The following SMARCD3 variants were observed in gnomAD, a reference collection of about 807,000 sequenced individuals.
The protein encoded by SMARCD3 is SWI/SNF related BAF chromatin remodeling complex subunit D3.
Under a neutral mutation model 58.0 loss-of-function variants are expected in SMARCD3, and 14 were observed. The ratio of observed to expected loss-of-function variants is 0.24; its 90% CI spans 0.16 to 0.38. SMARCD3 has a LOEUF of 0.38. Among genes scored for constraint, SMARCD3 ranks in the 10% least tolerant of loss-of-function variants. The pLI, the probability that SMARCD3 is intolerant of heterozygous loss-of-function variation, is 1.00. For synonymous variants in SMARCD3, 253 were observed against 253.8 expected, an observed-to-expected ratio of 1.00 and a Z score of 0.03; for missense variants, 408 against 636.9, an observed-to-expected ratio of 0.64 and a Z score of 3.87.
In SMARCD3 at chr7:151,248,623, T is replaced by G; in HGVS notation, c.-61A>C. ...TCTCTTCCTCTTTCTTTCCCTTTTC[T>G]GCCTTTTTTTTTCCTCCAACTCTCC... On this transcript the variant is annotated 5_prime_UTR_variant, in exon 1 of 13. Transcript: ENST00000262188. The surrounding 1 kb of genome is among the most constrained non-coding windows in gnomAD (Gnocchi z 6.1). 6.2e-7 allele frequency: 1 copy of G among 1,603,992 alleles called. No individual in the cohort carries two copies. The highest frequency in any genetic ancestry group is 8.5e-7 in the Non-Finnish European group (1 of 1,173,404).
At chr7:151,267,336 A>G (rs1159385071) in intron 2 of SMARCD3, among the ~76,000 whole-genome samples, 1 of 152,226 alleles carries the variant, frequency 6.6e-6, no homozygotes, top group Non-Finnish European at 1.5e-5. Context: ...GAGTTCTTTA[A>G]AGACTGATTC....
chr7:151,269,274 C>T (rs548782422), intron 2 of SMARCD3, among the ~76,000 whole-genome samples: 5 of 152,280 alleles, frequency 3.3e-5, no homozygotes, highest in South Asian at 2.1e-4. Context: ...TGGAGCTCAG[C>T]TTCTCTTGCA....
intron 2 of SMARCD3, among the ~76,000 whole-genome samples, chr7:151,272,814 C>T (rs189850190): frequency 6.6e-6 from 1 of 152,316 alleles, no homozygotes; most frequent in African/African-American, 2.4e-5. Context: ...TGTCCCTCAG[C>T]CAAGTACCCG....
intron 2 of SMARCD3, among the ~76,000 whole-genome samples, chr7:151,260,113 G>A (rs1368209786): frequency 6.6e-6 from 1 of 152,060 alleles, no homozygotes; most frequent in Admixed American, 6.6e-5. Context: ...GCTATCACAG[G>A]GTGGGGCTAG....
At position 151,245,477 on chromosome 7, in the gene SMARCD3, G is replaced by A. The variant is rs753782573; in HGVS notation, c.273C>T (p.Ala91=). The part of the protein sequence containing the change: ...AQSQGQPVPT[A]PARSRSAKRR... ...CCACTCACCTGCGGCTCCGCGCGGG[G>A]GCGGTGGGCACCGGCTGGCCCTGGC... Residue 91 remains alanine, a synonymous_variant, in exon 2 of 13, where the codon GCC becomes GCT. Transcript: ENST00000262188. This position sits in a 1 kb window ranked among gnomAD's most constrained non-coding sequence, Gnocchi z 6.2. 1.6e-6 allele frequency: 2 copies of A among 1,221,758 alleles called. No individual in the cohort carries two copies. The highest frequency in any genetic ancestry group is 3.1e-5 in the African/African-American group (2 of 64,010). 75.7% of individuals were successfully genotyped at this position (1,221,758 alleles called of 1,614,324 possible). A position where few individuals can be genotyped will look rare whatever the true frequency, so the allele number is the denominator to read the frequency against.
intron 2 of SMARCD3, among the ~76,000 whole-genome samples, chr7:151,262,341 C>T (rs1429090851): frequency 1.3e-5 from 2 of 152,182 alleles, no homozygotes; most frequent in Admixed American, 6.5e-5. Context: ...CTTGGCCACT[C>T]AGAGTGTTGG....
chr7:151,249,376 C>T (rs906462398), upstream of SMARCD3: 4 of 152,234 alleles, frequency 2.6e-5, no homozygotes, highest in African/African-American at 9.6e-5. This position sits in a 1 kb window ranked among gnomAD's most constrained non-coding sequence, Gnocchi z 4.8. Flanking sequence ...TGTGTGCCTC[C>T]CTCCACGACA....
chr7:151,252,485 A>T (rs1195819729), upstream of SMARCD3, among the ~76,000 whole-genome samples: 1 of 151,998 alleles, frequency 6.6e-6, no homozygotes, highest in Non-Finnish European at 1.5e-5. Context: ...AGGGAGAGAG[A>T]GAAAGAAAGA....
exon 2 of SMARCD3, chr7:151,275,193 C>G (rs1412541404): frequency 5.0e-6 from 8 of 1,588,390 alleles, no homozygotes; most frequent in Non-Finnish European, 6.9e-6. Context: ...TCCAGTGCCC[C>G]CTCGGTGCCT....
rs769427975 is a variant in SMARCD3 at position 151,240,412 on chromosome 7, G to A, written c.1037+13C>T. The A allele has an allele frequency of 6.2e-7, 1 of 1,609,226 alleles. No individual in the cohort carries two copies. Among genetic ancestry groups the A allele is most frequent in the Non-Finnish European group, 8.5e-7 (1 of 1,176,142 alleles). On this transcript the variant is annotated intron_variant, in intron 9 of 12. Transcript: ENST00000262188. The stretch of plus-strand genomic sequence containing the variant: ...CATTCCCTGGTCTGAGAAGCAAGCT[G>A]GGGCCACCTCACCTGATGACATGGT...
At position 151,240,296 on chromosome 7, in the gene SMARCD3, C is replaced by G. The variant is rs756753473; in HGVS notation, c.1038-49G>C. 18 of 1,612,630 alleles carry G rather than the reference C, an allele frequency of 1.1e-5. No individual in the cohort carries two copies. The Admixed American group carries it at 2.7e-4, about 24-fold the overall frequency. ...GTGTCCACGATGCCCCCATACGGCC[C>G]CAGGGCCCCGGGGCTGGGGCAGATC... On this transcript the variant is annotated intron_variant, in intron 9 of 12. Coordinates refer to ENST00000262188, the MANE Select transcript of SMARCD3 (RefSeq NM_001003801.2).
At chr7:151,258,856 C>T (rs1584888014) in intron 2 of SMARCD3, among the ~76,000 whole-genome samples, 1 of 152,230 alleles carries the variant, frequency 6.6e-6, no homozygotes, top group South Asian at 2.1e-4. Flanking sequence ...GCGGACTCCT[C>T]ACCTCCCAAA....
chr7:151,246,416 G>A lies in SMARCD3; in HGVS notation c.79-745C>T, dbSNP rs1803268113. Among the ~76,000 whole-genome samples, 1 of 152,172 alleles carries A rather than the reference G, an allele frequency of 6.6e-6. No individual in the cohort carries two copies. The highest frequency in any genetic ancestry group is 2.4e-5 in the African/African-American group (1 of 41,426). On this transcript the variant is annotated intron_variant, in intron 1 of 12. Transcript: ENST00000262188. The surrounding 1 kb of genome is among the most constrained non-coding windows in gnomAD (Gnocchi z 4.4). ...CCCATAATTTGCTCCCAGGGTGAGG[G>A]CTGGAGGCAGGGCAGGCAAGGGCAG...
At chr7:151,252,710 CG>C (rs1194792459), upstream of SMARCD3, among the ~76,000 whole-genome samples, 2 of 127,610 alleles carry the variant, frequency 1.6e-5, no homozygotes, top group African/African-American at 6.1e-5. Context: ...CCTCTGGTGA[CG>C]GTCAGCAGAG....
intron 1 of SMARCD3, among the ~76,000 whole-genome samples, chr7:151,276,443 G>A (rs1443298608): frequency 1.4e-5 from 2 of 144,702 alleles, no homozygotes; most frequent in Non-Finnish European, 3.0e-5. Context: ...AGGAGGGGAA[G>A]GTGCCAGGCA....
intron 2 of SMARCD3, among the ~76,000 whole-genome samples, chr7:151,260,801 A>T (rs1803893382): frequency 6.6e-6 from 1 of 152,192 alleles, no homozygotes; most frequent in Admixed American, 6.5e-5. Flanking sequence ...AGGAGAAGCG[A>T]TGAGAACAGC....
Position 151,238,892 on chromosome 7 carries a change from A to C in SMARCD3, c.*211T>G. 1.6e-6 allele frequency: 2 copies of C among 1,239,352 alleles called. No individual in the cohort carries two copies. Among genetic ancestry groups the C allele is most frequent in the South Asian group, 2.8e-5 (2 of 71,974 alleles). 76.8% of individuals were successfully genotyped at this position (1,239,352 alleles called of 1,614,324 possible). A position where few individuals can be genotyped will look rare whatever the true frequency, so the allele number is the denominator to read the frequency against. ...GGGAAGGGAATGGGGAGTCGTCCCG[A>C]GGGACCCACTGCCTCCCCACCTTCT... On this transcript the variant is annotated 3_prime_UTR_variant, in exon 13 of 13. Transcript: ENST00000262188.
upstream of SMARCD3, among the ~76,000 whole-genome samples, chr7:151,252,420 A>AGT (rs544394645): frequency 0.049 from 6,564 of 134,918 alleles, 437 homozygotes; most frequent in African/African-American, 0.16. Flanking sequence ...GGCCTGAGTG[A>AGT]GTGTGTGTGT....
In SMARCD3 at chr7:151,239,198, G is replaced by A; in HGVS notation, c.1399-42C>T. On this transcript the variant is annotated intron_variant, in intron 12 of 12. Transcript: ENST00000262188. The surrounding 1 kb of genome is among the most constrained non-coding windows in gnomAD (Gnocchi z 7.0). ...AACAGGAGCAGGTGTCAGTGTTCTG[G>A]TGAGTGATCAGGACAATCCCACCTA... 6.3e-7 allele frequency: 1 copy of A among 1,598,586 alleles called. No homozygotes were observed. Among genetic ancestry groups the A allele is most frequent in the Non-Finnish European group, 8.6e-7 (1 of 1,165,928 alleles).
Sources: allele counts gnomAD v4.1 joint callset (sites outside exome capture counted in the v4.1 genomes callset), GRCh38; gene constraint gnomAD v4.1.1; non-coding constraint Gnocchi (gnomAD v3.1); transcripts MANE v1.5; gene names NCBI Gene and HGNC (gene_info 2026-07-23, HGNC 2026-07-21).